MYO1A: variants seen among roughly 807,000 people sequenced by gnomAD.
MYO1A encodes the protein unconventional myosin-Ia.
Under a neutral mutation model 138.5 loss-of-function variants are expected in MYO1A, and 127 were observed. The ratio of observed to expected loss-of-function variants is 0.92; its 90% CI spans 0.79 to 1.06. The LOEUF is 1.06. Ranked by LOEUF, MYO1A falls within the 50% of genes least tolerant of loss-of-function variation. The pLI is 0.00. For missense variants in MYO1A, 1,211 were observed against 1,288.8 expected (o/e 0.94, Z 0.92); for synonymous variants, 477 against 497.5 (o/e 0.96, Z 0.55).
In MYO1A at chr12:57,029,552, A is replaced by G; in HGVS notation, c.2760T>C (p.His920=). The change falls in exon 26 of 28, where the codon CAT becomes CAC. Residue 920 remains histidine (H), a synonymous_variant. Transcript: ENST00000300119. ...SSRILLLTKG[H]VILTDTKKSQ... ...ACTTCTTGGTGTCTGTGAGAATCACATGGCCCTTGGTCAGGAGGAGAATCC... is the reference window on the plus strand; with the variant it reads ...ACTTCTTGGTGTCTGTGAGAATCACGTGGCCCTTGGTCAGGAGGAGAATCC... 1 of 1,614,120 alleles carries G rather than the reference A, an allele frequency of 6.2e-7. No homozygotes were observed. The highest frequency in any genetic ancestry group is 8.5e-7 in the Non-Finnish European group (1 of 1,179,926).
intron 14 of MYO1A, 79 bp downstream of exon 14, chr12:57,041,105 T>C (rs2030836252): frequency 1.9e-6 from 2 of 1,062,562 alleles, no homozygotes; most frequent in East Asian, 2.4e-5. Flanking sequence ...GTAGAGGAAA[T>C]TGTGATCAAG....
chr12:57,045,424 G>A (rs1044535032), intron 8 of MYO1A, among the ~76,000 whole-genome samples: 1 of 152,188 alleles, frequency 6.6e-6, no homozygotes, highest in African/African-American at 2.4e-5. Flanking sequence ...GAGGGAGAAT[G>A]AGTCAGAATG....
chr12:57,046,967 C>T, intron 6 of MYO1A, 41 bp from the exon 7 acceptor site: 1 of 1,611,872 alleles, frequency 6.2e-7, no homozygotes, highest in Non-Finnish European at 8.5e-7. Context: ...GCTTCTTCCT[C>T]TTCTCACCAC....
At position 57,037,005 on chromosome 12, in the gene MYO1A, G is replaced by A. The variant is rs748229424; in HGVS notation, c.2142C>T (p.Arg714=). The change falls in exon 20 of 28, where the codon CGC becomes CGT. Residue 714 remains arginine (R), a synonymous_variant. Transcript: ENST00000300119. Reference sequence around the variant, plus strand: ...TCTTTCGCATCAGTTGGTAGTGGGTGCGGCAGCGCCAGCCTCGGTAAATCT... The same window carrying A: ...TCTTTCGCATCAGTTGGTAGTGGGTACGGCAGCGCCAGCCTCGGTAAATCT... ...IQKIYRGWRC[R]THYQLMRKSQ... 4 of 1,614,206 alleles carry A rather than the reference G, an allele frequency of 2.5e-6. No homozygotes were observed. Among genetic ancestry groups the A allele is most frequent in the Non-Finnish European group, 3.4e-6 (4 of 1,180,042 alleles).
At chr12:57,046,466 G>A (rs2031092309) in intron 8 of MYO1A, 86 bp downstream of exon 8, 3 of 1,027,400 alleles carry the variant, frequency 2.9e-6, no homozygotes, top group South Asian at 1.3e-5. Context: ...GGGGCCCAGA[G>A]GGAACAGGGG....
chr12:57,039,182 A>T, intron 15 of MYO1A, 30 bp downstream of exon 15: 6 of 1,606,952 alleles, frequency 3.7e-6, no homozygotes, highest in Non-Finnish European at 5.1e-6. Flanking sequence ...TGGAAGGGGA[A>T]GTCCCACAGA....
At chr12:57,039,034 C>T in intron 15 of MYO1A, 25 bp from the exon 16 acceptor site, 1 of 1,607,658 alleles carries the variant, frequency 6.2e-7, no homozygotes, top group Non-Finnish European at 8.5e-7. Context: ...CAAAAGAAGC[C>T]CAACCTAAAT....
At position 57,046,911 on chromosome 12, in the gene MYO1A, T is replaced by A. The variant is rs1360229445; in HGVS notation, c.493A>T (p.Ile165Phe). The change falls in exon 7 of 28, where the codon ATT becomes TTT. Residue 165 changes from isoleucine (I) to phenylalanine (F), a missense_variant. Coordinates refer to ENST00000300119, the MANE Select transcript of MYO1A (RefSeq NM_005379.4). ...NSSRFGKYMDIEFDFKGSPLG... is the reference protein window; with the variant it reads ...NSSRFGKYMDFEFDFKGSPLG... Reference sequence around the variant, plus strand: ...GGGGATCCCTTGAAGTCAAATTCAATATCCATGTATTTTCCCTTCAGAGAG... The same window carrying A: ...GGGGATCCCTTGAAGTCAAATTCAAAATCCATGTATTTTCCCTTCAGAGAG... The A allele has an allele frequency of 6.2e-7, 1 of 1,614,114 alleles. No individual in the cohort carries two copies. The highest frequency in any genetic ancestry group is 1.1e-5 in the South Asian group (1 of 91,074).
At position 57,028,984 on chromosome 12, in the gene MYO1A, C is replaced by T; in HGVS notation, c.3006-103G>A. 5 of 1,593,518 alleles carry T rather than the reference C, an allele frequency of 3.1e-6. No individual in the cohort carries two copies. In the South Asian group the frequency reaches 5.6e-5, roughly 18 times the overall value. The stretch of plus-strand genomic sequence containing the variant: ...TCATGCGAGTCAGAGGACTTGAGGC[C>T]CCAGAGAACCTGGGTGGGGGCCTGA... On this transcript the variant is annotated intron_variant, in intron 27 of 27. Transcript: ENST00000300119.
At chr12:57,030,452 G>A in intron 23 of MYO1A, 136 bp from the exon 24 acceptor site, 3 of 698,682 alleles carry the variant, frequency 4.3e-6, no homozygotes, top group Middle Eastern at 5.2e-4. Flanking sequence ...AGACACCTCA[G>A]GGAGAGGCCG....
intron 22 of MYO1A, among the ~76,000 whole-genome samples, chr12:57,033,185 C>G (rs943989643): frequency 2.6e-5 from 4 of 152,152 alleles, no homozygotes; most frequent in African/African-American, 9.7e-5. Flanking sequence ...AAATCAACAT[C>G]ACTAATCCAA....
intron 7 of MYO1A, 77 bp from the exon 8 acceptor site, chr12:57,046,727 C>A: frequency 1.3e-6 from 2 of 1,493,380 alleles, no homozygotes; most frequent in Non-Finnish European, 1.9e-6. Context: ...TGGAGAATGC[C>A]CCCATCGCCG....
At chr12:57,047,781 C>T (rs1592485327) in intron 3 of MYO1A, 60 bp from the exon 4 acceptor site, 1 of 1,604,476 alleles carries the variant, frequency 6.2e-7, no homozygotes, top group South Asian at 1.1e-5. Flanking sequence ...CCATCTTTCA[C>T]TCAATCTCCA....
In MYO1A at chr12:57,030,291, G is replaced by A; in HGVS notation, c.2510C>T (p.Ser837Phe). 2 of 1,612,970 alleles carry A rather than the reference G, an allele frequency of 1.2e-6. No homozygotes were observed. The highest frequency in any genetic ancestry group is 1.7e-6 in the Non-Finnish European group (2 of 1,179,396). Residue 837 changes from serine (S) to phenylalanine (F), a missense_variant, in exon 24 of 28, where the codon TCC (serine) becomes TTC (phenylalanine). Physicochemically the swap from Ser to Phe is radical, Grantham distance 155 (BLOSUM62 -2). Coordinates refer to ENST00000300119, the MANE Select transcript of MYO1A (RefSeq NM_005379.4). ...CCTCAGGATCTCTACCTGCTTCGGG[G>A]ACAGCTGATCCCGGAACCTCTTGCA... ...WKCKRFRDQLSPKQVEILREK... is the reference protein window; with the variant it reads ...WKCKRFRDQLFPKQVEILREK...
At position 57,038,092 on chromosome 12, in the gene MYO1A, A is replaced by T. The variant is rs531494324; in HGVS notation, c.1761-23T>A. On this transcript the variant is annotated intron_variant, in intron 17 of 27. Transcript: ENST00000300119. ...CACCTGGTGGGAGGTGGGGTAAGGC[A>T]CAGCCTTCAGGAGCTGACATCATTG... The T allele has an allele frequency of 3.7e-6, 6 of 1,612,554 alleles. No individual in the cohort carries two copies. The South Asian group carries it at 4.4e-5, about 12-fold the overall frequency.
chr12:57,034,996 T>A (rs956896538), intron 22 of MYO1A, among the ~76,000 whole-genome samples: 1 of 151,626 alleles, frequency 6.6e-6, no homozygotes, highest in Non-Finnish European at 1.5e-5. Flanking sequence ...AAATAAAAAT[T>A]AAAAAAATGA....
rs750830231 is a variant in MYO1A, at chr12:57,036,761, C to G, written c.2274+11G>C. ...ACAATGTGAGGAAACCTCTCTTCCA[C>G]TCTCCATTACCTTCCACCCTCTCAC... On this transcript the variant is annotated intron_variant, in intron 21 of 27. Transcript: ENST00000300119. 1 of 1,614,118 alleles carries G rather than the reference C, an allele frequency of 6.2e-7. No homozygotes were observed. Among genetic ancestry groups the G allele is most frequent in the Non-Finnish European group, 8.5e-7 (1 of 1,179,930 alleles).
Position 57,048,053 on chromosome 12 carries a change from T to A in MYO1A, c.166A>T (p.Ile56Phe). ...TTGGCAATGAACTCTGGCCCATAGA[T>A]GGGAAGCTGTTGATAGGGATTCACT... ...ISVNPYQQLPIYGPEFIAKYQ... is the reference protein window; with the variant it reads ...ISVNPYQQLPFYGPEFIAKYQ... Residue 56 changes from isoleucine to phenylalanine, a missense_variant, in exon 3 of 28, where the codon ATC (isoleucine) becomes TTC (phenylalanine). Coordinates refer to ENST00000300119, the MANE Select transcript of MYO1A (RefSeq NM_005379.4). 6.2e-7 allele frequency: 1 copy of A among 1,614,154 alleles called. No homozygotes were observed. Among genetic ancestry groups the A allele is most frequent in the Non-Finnish European group, 8.5e-7 (1 of 1,180,022 alleles).
At position 57,041,486 on chromosome 12, in the gene MYO1A, C is replaced by T. The variant is rs778883485; in HGVS notation, c.1110G>A (p.Gly370=). 16 of 1,613,398 alleles carry T rather than the reference C, an allele frequency of 9.9e-6. No homozygotes were observed. The South Asian group carries it at 1.8e-4, about 18-fold the overall frequency. ...RINESIKVGI[G]EKKKVMGVLD... ...GGACTCCCATTACCTTCTTCTTTTC[C>T]CCGATGCCCACCTGAAGAGGAGAGA... Residue 370 remains glycine, a synonymous_variant, in exon 13 of 28, where the codon GGG becomes GGA. Transcript: ENST00000300119.
Sources: allele counts gnomAD v4.1 joint callset (sites outside exome capture counted in the v4.1 genomes callset), GRCh38; gene constraint gnomAD v4.1.1; transcripts MANE v1.5; gene names NCBI Gene and HGNC (gene_info 2026-07-23, HGNC 2026-07-21).